The following MYO7B variants were observed in gnomAD, a reference collection of about 807,000 sequenced individuals.
The protein encoded by MYO7B is myosin VIIB, also known as unconventional myosin-VIIb.
A neutral mutation model predicts 259.7 loss-of-function variants in MYO7B; 212 were observed. The observed-to-expected ratio is 0.82, with a 90% CI of 0.73 to 0.91. The LOEUF (loss-of-function observed/expected upper bound fraction) is 0.91. Among genes scored for constraint, MYO7B ranks in the 40% least tolerant of loss-of-function variants. The pLI is 0.00. For missense variants in MYO7B, 2,732 were observed against 2,813.5 expected, an observed-to-expected ratio of 0.97 and a Z score of 0.66; for synonymous variants, 1,197 against 1,166.4, an observed-to-expected ratio of 1.03 and a Z score of -0.54.
Position 127,610,002 on chromosome 2 carries a change from A to G in MYO7B, c.3178A>G (p.Ser1060Gly). Reference sequence around the variant, plus strand: ...GCACGGTGCCCAGGTTCCACAGCACAGTAGATCTGCACAGGCAAGTGGGGG... The same window carrying G: ...GCACGGTGCCCAGGTTCCACAGCACGGTAGATCTGCACAGGCAAGTGGGGG... ...REHGAQVPQH[S>G]RSAQRSGCKD... Residue 1060 changes from serine to glycine, a missense_variant, in exon 24 of 48, where the codon AGT becomes GGT. Around this residue, in one of 3 missense-constraint regions of MYO7B, gnomAD observed 1,906 missense variants for 2,026.4 expected, o/e 0.94. Coordinates refer to ENST00000409816, the MANE Select transcript of MYO7B (RefSeq NM_001393586.1). The G allele has an allele frequency of 1.2e-6, 2 of 1,609,546 alleles. No individual in the cohort carries two copies. The highest frequency in any genetic ancestry group is 1.7e-6 in the Non-Finnish European group (2 of 1,178,254).
At position 127,539,917 on chromosome 2, in the gene MYO7B, G is replaced by A. The variant is rs747434147; in HGVS notation, c.-24+4086G>A. Among the ~76,000 whole-genome samples, 13 of 152,134 alleles carry A rather than the reference G, an allele frequency of 8.5e-5. No homozygotes were observed. The highest frequency in any genetic ancestry group is 2.7e-4 in the African/African-American group (11 of 41,426). ...CATAGCTTAGCTCCCATTTATAAGT[G>A]AGAACATACGATATTTGGTTTTCCA... On this transcript the variant is annotated intron_variant, in intron 1 of 47. Transcript: ENST00000409816. The surrounding 1 kb of genome is among the most constrained non-coding windows in gnomAD (Gnocchi z 4.0).
Position 127,588,409 on chromosome 2 carries a change from C to T in MYO7B, c.1708C>T (p.Arg570Ter), listed in dbSNP as rs749720283. Reference protein sequence around the residue: ...YQAEGFLEKNRDVLSTDILTL... With the variant: ...YQAEGFLEKN The stretch of plus-strand genomic sequence containing the variant: ...CTCCACAGGCTTCCTGGAGAAGAAC[C>T]GAGACGTGCTGAGCACAGATATCCT... Residue 570 changes from arginine (R) to a stop codon, truncating the protein, a stop_gained, in exon 15 of 48, where the codon CGA becomes TGA. Coordinates refer to ENST00000409816, the MANE Select transcript of MYO7B (RefSeq NM_001393586.1). LOFTEE classifies it high-confidence loss of function. 2.5e-5 allele frequency: 41 copies of T among 1,612,820 alleles called. No homozygotes were observed. The highest frequency in any genetic ancestry group is 7.7e-5 in the South Asian group (7 of 91,026).
At chr2:127,589,819 A>G (rs1337771521) in intron 15 of MYO7B, among the ~76,000 whole-genome samples, 1 of 72,748 alleles carries the variant, frequency 1.4e-5, no homozygotes, top group Non-Finnish European at 2.7e-5. Context: ...GGTGCTGGGT[A>G]GGTGGAAGGA....
chr2:127,623,635 C>T (rs968389495), intron 29 of MYO7B, among the ~76,000 whole-genome samples: 1 of 152,178 alleles, frequency 6.6e-6, no homozygotes, highest in Non-Finnish European at 1.5e-5. Flanking sequence ...CCTGGTCCCC[C>T]ACCCAGCAGC....
rs375559203 is a variant in MYO7B, at chr2:127,621,969, C to A, written c.3526-13C>A. On this transcript the variant is annotated splice_polypyrimidine_tract_variant and intron_variant, in intron 27 of 47. Transcript: ENST00000409816. ...TGAGTGTCTTCCTCCCTTCTCCCCT[C>A]CTCACCCACCAGTATCTACTGAACT... 2 of 1,551,614 alleles carry A rather than the reference C, an allele frequency of 1.3e-6. No homozygotes were observed. Among genetic ancestry groups the A allele is most frequent in the African/African-American group, 1.4e-5 (1 of 73,066 alleles).
At chr2:127,578,920 G>A (rs1179005123) in intron 9 of MYO7B, among the ~76,000 whole-genome samples, 1 of 152,048 alleles carries the variant, frequency 6.6e-6, no homozygotes, top group East Asian at 1.9e-4. Context: ...AAGCAGCCAA[G>A]CTTGAAAATT....
At position 127,539,060 on chromosome 2, in the gene MYO7B, TG is replaced by T. The variant is rs1208488848; in HGVS notation, c.-24+3234del. Among the ~76,000 whole-genome samples the T allele has an allele frequency of 5.3e-5, 8 of 152,128 alleles. No individual in the cohort carries two copies. Among genetic ancestry groups the T allele is most frequent in the African/African-American group, 1.9e-4 (8 of 41,416 alleles). ...TGAGCTCCTACTCTGTTCTGGGGGC[TG>T]GGGGCAGAGTACTGAGGGTATGAAA... is the stretch of plus-strand genomic sequence containing the variant. On this transcript the variant is annotated intron_variant, in intron 1 of 47. Transcript: ENST00000409816. The surrounding 1 kb of genome is among the most constrained non-coding windows in gnomAD (Gnocchi z 4.0).
rs775927325 is a variant in MYO7B at position 127,615,267 on chromosome 2, G to A, written c.3398+2664G>A. 4.6e-5 allele frequency among the ~76,000 whole-genome samples: 7 copies of A among 152,148 alleles called. No homozygotes were observed. The highest frequency in any genetic ancestry group is 2.1e-4 in the South Asian group (1 of 4,826). ...GAGGGAAAGGGTAGACGGGTCACCCGTGACAGACTGCCATGGTTACTACTT... is the reference window on the plus strand; with the variant it reads ...GAGGGAAAGGGTAGACGGGTCACCCATGACAGACTGCCATGGTTACTACTT... On this transcript the variant is annotated intron_variant, in intron 26 of 47. Coordinates refer to ENST00000409816, the MANE Select transcript of MYO7B (RefSeq NM_001393586.1). This position sits in a 1 kb window ranked among gnomAD's most constrained non-coding sequence, Gnocchi z 4.4.
chr2:127,633,423 C>A, intron 40 of MYO7B, 60 bp downstream of exon 40: 1 of 1,526,990 alleles, frequency 6.5e-7, no homozygotes, highest in Non-Finnish European at 9.0e-7. Flanking sequence ...ATGGGGCATC[C>A]TCCTTCCTGG....
At chr2:127,565,605 C>T (rs1266884189) in intron 4 of MYO7B, among the ~76,000 whole-genome samples, 1 of 152,256 alleles carries the variant, frequency 6.6e-6, no homozygotes, top group East Asian at 1.9e-4. Flanking sequence ...AGTGACAGCA[C>T]AGTGCCTGGC....
chr2:127,610,102 C>T lies in MYO7B; in HGVS notation c.3192+86C>T, dbSNP rs574971807. On this transcript the variant is annotated intron_variant, in intron 24 of 47. Coordinates refer to ENST00000409816, the MANE Select transcript of MYO7B (RefSeq NM_001393586.1). ...CAGTCCCTGGGGCAGCTGGACAGGA[C>T]GGAGAGACAAGACCTGGAGCCCTGT... 960 of 1,516,154 alleles carry T rather than the reference C, an allele frequency of 6.3e-4. 7 individuals are homozygous for T. The East Asian group carries it at 0.016, about 25-fold the overall frequency. 93.9% of individuals were successfully genotyped at this position (1,516,154 alleles called of 1,614,324 possible).
In MYO7B at chr2:127,611,625, C is replaced by T. The variant is rs538000886; in HGVS notation, c.3193-625C>T. On this transcript the variant is annotated intron_variant, in intron 24 of 47. Coordinates refer to ENST00000409816, the MANE Select transcript of MYO7B (RefSeq NM_001393586.1). This position sits in a 1 kb window ranked among gnomAD's most constrained non-coding sequence, Gnocchi z 5.4. ...CGCACCCAGGAGCTGGTGCCTGGCC[C>T]TGGACCAGGCTGACCCCCACCCAAG... 6.6e-6 allele frequency among the ~76,000 whole-genome samples: 1 copy of T among 152,200 alleles called. No individual in the cohort carries two copies. Among genetic ancestry groups the T allele is most frequent in the Non-Finnish European group, 1.5e-5 (1 of 68,024 alleles).
At chr2:127,622,158 C>T (rs1054383671) in intron 28 of MYO7B, 57 bp downstream of exon 28, 1 of 1,503,688 alleles carries the variant, frequency 6.7e-7, no homozygotes, top group African/African-American at 1.4e-5. Context: ...CCCCCAGGGA[C>T]CCCCAGCACA....
At position 127,614,880 on chromosome 2, in the gene MYO7B, G is replaced by A. The variant is rs573118695; in HGVS notation, c.3398+2277G>A. 1.3e-5 allele frequency among the ~76,000 whole-genome samples: 2 copies of A among 152,178 alleles called. No individual in the cohort carries two copies. The highest frequency in any genetic ancestry group is 2.4e-5 in the African/African-American group (1 of 41,434). On this transcript the variant is annotated intron_variant, in intron 26 of 47. Transcript: ENST00000409816. This position sits in a 1 kb window ranked among gnomAD's most constrained non-coding sequence, Gnocchi z 4.6. ...CAAGAATGTGTCTCTTTAGAACGTCGGATATGAGCATCCATTTGTCCTTGG... is the reference window on the plus strand; with the variant it reads ...CAAGAATGTGTCTCTTTAGAACGTCAGATATGAGCATCCATTTGTCCTTGG...
At chr2:127,594,213 G>A (rs568422891) in intron 18 of MYO7B, among the ~76,000 whole-genome samples, 3 of 152,334 alleles carry the variant, frequency 2.0e-5, no homozygotes, top group South Asian at 2.1e-4. Flanking sequence ...AGGAAGCTTC[G>A]GGGCCCTCCA....
At position 127,627,261 on chromosome 2, in the gene MYO7B, ATGC is replaced by A; in HGVS notation, c.4417_4419del (p.Leu1473del). The A allele has an allele frequency of 6.2e-7, 1 of 1,612,564 alleles. No individual in the cohort carries two copies. Among genetic ancestry groups the A allele is most frequent in the South Asian group, 1.1e-5 (1 of 90,780 alleles). The stretch of plus-strand genomic sequence containing the variant: ...TTGCTTCCTGGACCAGCAGGAGAAG[ATGC>A]TGCTGGAACTCTCTTTCCCAGAGGT... On this transcript the variant is annotated inframe_deletion, in exon 33 of 48. Transcript: ENST00000409816. This position sits in a 1 kb window ranked among gnomAD's most constrained non-coding sequence, Gnocchi z 5.6.
intron 6 of MYO7B, among the ~76,000 whole-genome samples, chr2:127,570,487 G>A (rs1020910549): frequency 3.3e-5 from 5 of 152,214 alleles, no homozygotes; most frequent in Non-Finnish European, 5.9e-5. Context: ...TCCTGGCTTC[G>A]GCCCCGGTGA....
At position 127,627,164 on chromosome 2, in the gene MYO7B, C is replaced by T. The variant is rs543151328; in HGVS notation, c.4334-20C>T. The stretch of plus-strand genomic sequence containing the variant: ...CCAGGGGTCCCATGCAGCCTTCACA[C>T]TGCCGTCTCTCCTGGCCAGGCCCCC... On this transcript the variant is annotated intron_variant, in intron 32 of 47. Transcript: ENST00000409816. The surrounding 1 kb of genome is among the most constrained non-coding windows in gnomAD (Gnocchi z 5.6). 6.2e-6 allele frequency: 10 copies of T among 1,604,468 alleles called. No individual in the cohort carries two copies. Among genetic ancestry groups the T allele is most frequent in the Non-Finnish European group, 7.7e-6 (9 of 1,175,740 alleles).
chr2:127,634,946 C>A, intron 42 of MYO7B, 174 bp from the exon 43 acceptor site: 1 of 653,420 alleles, frequency 1.5e-6, no homozygotes. Context: ...AGGAATGTTC[C>A]TGGAGAAGGC....
Sources: gnomAD v4.1 joint callset for allele counts (sites outside exome capture counted in the v4.1 genomes callset) on GRCh38, gnomAD v4.1.1 for gene constraint, gnomAD v4.1.1 regional missense constraint, Gnocchi (gnomAD v3.1) non-coding constraint, MANE v1.5 for transcripts, NCBI Gene and HGNC (gene_info 2026-07-23, HGNC 2026-07-21) for gene names.